CCSER1: variants seen among roughly 807,000 people sequenced by gnomAD.
The protein encoded by CCSER1 is serine-rich coiled-coil domain-containing protein 1.
Under a neutral mutation model 82.0 loss-of-function variants are expected in CCSER1, and 41 were observed. The observed-to-expected ratio is 0.50, with a 90% CI of 0.39 to 0.65. CCSER1 has a LOEUF of 0.65. CCSER1 is among the 30% of genes least tolerant of loss of function. CCSER1 has a pLI of 0.00. For synonymous variants in CCSER1, 414 were observed against 383.9 expected (o/e 1.08, Z -0.92); for missense variants, 1,119 against 1,064.2 (o/e 1.05, Z -0.72).
chr4:90,811,647 C>A (rs1361896950), intron 7 of CCSER1, among the ~76,000 whole-genome samples: 1 of 151,892 alleles, frequency 6.6e-6, no homozygotes. Flanking sequence ...AGCAGCTGAG[C>A]GTATATGATG....
intron 10 of CCSER1, among the ~76,000 whole-genome samples, chr4:91,543,243 G>A (rs1761701805): frequency 1.3e-5 from 2 of 152,122 alleles, no homozygotes; most frequent in South Asian, 2.1e-4. Context: ...GATGGGTCTT[G>A]ACTCTTTATC....
intron 10 of CCSER1, among the ~76,000 whole-genome samples, chr4:91,574,713 A>C (rs549449774): frequency 5.3e-5 from 8 of 152,214 alleles, no homozygotes; most frequent in Admixed American, 3.9e-4. Flanking sequence ...AAATGACAAC[A>C]ATAGACATTA....
chr4:91,230,074 T>A (rs1738504716), intron 10 of CCSER1, among the ~76,000 whole-genome samples: 1 of 152,112 alleles, frequency 6.6e-6, no homozygotes, highest in Admixed American at 6.6e-5. Flanking sequence ...TTTTTGAACA[T>A]TAAAAATTCA....
At chr4:91,062,489 CT>C (rs1461729971) in intron 9 of CCSER1, among the ~76,000 whole-genome samples, 1 of 152,096 alleles carries the variant, frequency 6.6e-6, no homozygotes, top group East Asian at 1.9e-4. Flanking sequence ...AATATTGCAA[CT>C]TTTGGTCCTA....
At chr4:90,385,249 A>G (rs1749845290) in intron 3 of CCSER1, among the ~76,000 whole-genome samples, 1 of 151,624 alleles carries the variant, frequency 6.6e-6, no homozygotes, top group Non-Finnish European at 1.5e-5. Context: ...GATACCCAGT[A>G]GTGGGATTGC....
At chr4:90,867,934 A>C (rs967466046) in intron 8 of CCSER1, among the ~76,000 whole-genome samples, 2 of 151,986 alleles carry the variant, frequency 1.3e-5, no homozygotes, top group African/African-American at 4.8e-5. Context: ...ATTGTTTTTA[A>C]TCTATTTGTC....
At chr4:90,607,905 T>C (rs542049852) in intron 5 of CCSER1, among the ~76,000 whole-genome samples, 2 of 152,190 alleles carry the variant, frequency 1.3e-5, no homozygotes, top group East Asian at 3.8e-4. Context: ...AAGACTCCAC[T>C]TAACCGTTTT....
chr4:90,389,764 C>T (rs1750662525), intron 3 of CCSER1, among the ~76,000 whole-genome samples: 1 of 152,100 alleles, frequency 6.6e-6, no homozygotes, highest in Admixed American at 6.6e-5. Context: ...CATGGTGTGT[C>T]TGTTCTGTGA....
intron 10 of CCSER1, among the ~76,000 whole-genome samples, chr4:91,585,217 C>A (rs1763930822): frequency 6.6e-6 from 1 of 151,450 alleles, no homozygotes. Context: ...TAAATATATA[C>A]TTACTCCTTA....
chr4:91,349,063 G>A (rs748502404), intron 10 of CCSER1, among the ~76,000 whole-genome samples: 2 of 151,906 alleles, frequency 1.3e-5, no homozygotes, highest in African/African-American at 2.4e-5. Flanking sequence ...CACCGCCACC[G>A]TGCCCGGCTA....
chr4:91,109,073 T>C (rs957647895), intron 10 of CCSER1, among the ~76,000 whole-genome samples: 1 of 152,170 alleles, frequency 6.6e-6, no homozygotes, highest in African/African-American at 2.4e-5. Context: ...TCTCTGGCCC[T>C]TGGACTCTGA....
chr4:90,277,030 A>C (rs536417042), intron 1 of CCSER1, among the ~76,000 whole-genome samples: 2 of 151,930 alleles, frequency 1.3e-5, no homozygotes, highest in Non-Finnish European at 2.9e-5. Flanking sequence ...TAGGTATAGA[A>C]TCATATTGTC....
At chr4:91,040,889 T>C (rs1741901094) in intron 9 of CCSER1, among the ~76,000 whole-genome samples, 2 of 152,146 alleles carry the variant, frequency 1.3e-5, no homozygotes, top group Middle Eastern at 3.2e-3. Flanking sequence ...TTAAAAAGCT[T>C]TATTTGGAGG....
intron 10 of CCSER1, among the ~76,000 whole-genome samples, chr4:91,396,027 G>A (rs568426894): frequency 2.0e-5 from 3 of 152,106 alleles, no homozygotes; most frequent in Admixed American, 1.3e-4. Flanking sequence ...CCCCATATCC[G>A]TGTATTCATT....
chr4:91,510,318 A>G (rs1384083418), intron 10 of CCSER1, among the ~76,000 whole-genome samples: 1 of 152,086 alleles, frequency 6.6e-6, no homozygotes, highest in Admixed American at 6.5e-5. Flanking sequence ...TAAACATATG[A>G]GTGTAGGTGT....
intron 10 of CCSER1, among the ~76,000 whole-genome samples, chr4:91,340,999 A>G (rs868857356): frequency 2.0e-5 from 3 of 152,026 alleles, no homozygotes; most frequent in Non-Finnish European, 4.4e-5. Flanking sequence ...CATAACTGAA[A>G]CTCCTGTTAA....
intron 9 of CCSER1, among the ~76,000 whole-genome samples, chr4:90,980,914 C>T (rs142714221): frequency 6.5e-4 from 98 of 151,862 alleles, no homozygotes; most frequent in African/African-American, 2.1e-3. Flanking sequence ...TTTCCGGTAG[C>T]GCATGCTATT....
chr4:90,205,628 T>A lies in CCSER1; in HGVS notation c.-42+77797T>A, dbSNP rs566628068. The stretch of plus-strand genomic sequence containing the variant: ...ATTTTATTGAGGATTTTTGCATCGA[T>A]GTTCATCAGGGATATTGGCCTGAAA... On this transcript the variant is annotated intron_variant, in intron 1 of 10. Transcript: ENST00000509176. Among the ~76,000 whole-genome samples the A allele has an allele frequency of 3.3e-5, 5 of 152,344 alleles. No individual in the cohort carries two copies. In the South Asian group the frequency reaches 1.0e-3, roughly 32 times the overall value.
chr4:91,360,801 G>A (rs371416317), intron 10 of CCSER1, among the ~76,000 whole-genome samples: 45 of 151,976 alleles, frequency 3.0e-4, no homozygotes, highest in East Asian at 2.5e-3. Flanking sequence ...TCATTTATAT[G>A]AGCCAGCAAA....
Sources: allele counts gnomAD v4.1 joint callset (sites outside exome capture counted in the v4.1 genomes callset), GRCh38; gene constraint gnomAD v4.1.1; transcripts MANE v1.5; gene names NCBI Gene and HGNC (gene_info 2026-07-23, HGNC 2026-07-21).